KIAA0930: variants seen among roughly 807,000 people sequenced by gnomAD.
The protein encoded by KIAA0930 is KIAA0930.
A neutral mutation model predicts 43.9 loss-of-function variants in KIAA0930; 24 were observed. The observed-to-expected ratio is 0.55, with a 90% CI of 0.40 to 0.77. KIAA0930 has a LOEUF of 0.77. Among genes scored for constraint, KIAA0930 ranks in the 30% least tolerant of loss-of-function variants. KIAA0930 has a pLI of 0.00. For missense variants in KIAA0930, 461 were observed against 574.2 expected (o/e 0.80, Z 2.02); for synonymous variants, 259 against 216.4 (o/e 1.20, Z -1.73).
Position 45,197,093 on chromosome 22 carries a change from C to A in KIAA0930, c.*83G>T. 8.3e-7 allele frequency: 1 copy of A among 1,205,254 alleles called. No individual in the cohort carries two copies. Among genetic ancestry groups the A allele is most frequent in the Non-Finnish European group, 1.1e-6 (1 of 878,892 alleles). The allele number at this position is 1,205,254 out of a possible 1,614,324, so 74.7% of individuals were successfully genotyped here. A position where few individuals can be genotyped will look rare whatever the true frequency, so the allele number is the denominator to read the frequency against. The stretch of plus-strand genomic sequence containing the variant: ...CCAGCACTGGCGTGCCATCGCAGAC[C>A]CCGGTGGCGGTGGACAGGTAGGCAC... On this transcript the variant is annotated 3_prime_UTR_variant, in exon 10 of 10. Transcript: ENST00000336156.
rs532614257 is a variant in KIAA0930, at chr22:45,196,260, C to T, written c.*916G>A. The T allele has an allele frequency of 4.0e-3, 609 of 152,354 alleles. 3 individuals are homozygous for T. The highest frequency in any genetic ancestry group is 6.8e-3 in the Non-Finnish European group (460 of 68,058). 9.4% of individuals were successfully genotyped at this position (152,354 alleles called of 1,614,324 possible). On this transcript the variant is annotated 3_prime_UTR_variant, in exon 10 of 10. Transcript: ENST00000336156. This position sits in a 1 kb window ranked among gnomAD's most constrained non-coding sequence, Gnocchi z 4.1. ...TCTGAGAGATGGGACCAACACACGC[C>T]GTCAAAGGAAGTGAGTTCTAGGAAA...
At chr22:45,238,474 A>G (rs1483274857) in intron 1 of KIAA0930, among the ~76,000 whole-genome samples, 2 of 152,130 alleles carry the variant, frequency 1.3e-5, no homozygotes, top group African/African-American at 4.8e-5. Flanking sequence ...GTCCCAACAA[A>G]CATGTGCCTG....
chr22:45,220,700 T>C (rs1048942311), intron 1 of KIAA0930, among the ~76,000 whole-genome samples: 1 of 151,876 alleles, frequency 6.6e-6, no homozygotes, highest in Admixed American at 6.6e-5. Context: ...CCCACCTTAC[T>C]TTCCCAAGTA....
chr22:45,229,226 C>T lies in KIAA0930; in HGVS notation c.64+11414G>A, dbSNP rs200084575. ...TCCCCCCCACCACCAAACACTCACC[C>T]GAAAGATCCCTCTCCACCCCCCAAC... On this transcript the variant is annotated intron_variant, in intron 1 of 9. Transcript: ENST00000336156. Among the ~76,000 whole-genome samples the T allele has an allele frequency of 6.0e-4, 14 of 23,262 alleles. 3 individuals carry two copies. Among genetic ancestry groups the T allele is most frequent in the South Asian group, 3.8e-3 (2 of 520 alleles). 15.3% of individuals were successfully genotyped at this position (23,262 alleles called of 152,430 possible). A position where few individuals can be genotyped will look rare whatever the true frequency, so the allele number is the denominator to read the frequency against.
chr22:45,216,323 C>T (rs1029142491), intron 1 of KIAA0930, among the ~76,000 whole-genome samples: 1 of 152,146 alleles, frequency 6.6e-6, no homozygotes, highest in Non-Finnish European at 1.5e-5. Flanking sequence ...AACCTGCCAC[C>T]CTCCCAGAAT....
At chr22:45,216,889 G>C (rs189007972) in intron 1 of KIAA0930, among the ~76,000 whole-genome samples, 2 of 152,058 alleles carry the variant, frequency 1.3e-5, no homozygotes, top group Non-Finnish European at 2.9e-5. Context: ...CTTCCCTCCC[G>C]GGGTCCTATG....
chr22:45,214,504 T>C (rs1232624188), intron 1 of KIAA0930, among the ~76,000 whole-genome samples: 3 of 152,334 alleles, frequency 2.0e-5, no homozygotes, highest in East Asian at 3.9e-4. Flanking sequence ...ATTCACACGA[T>C]GTTTCGGAAA....
chr22:45,212,596 A>T (rs1284658455), intron 1 of KIAA0930: 8 of 1,367,280 alleles, frequency 5.9e-6, no homozygotes, highest in Non-Finnish European at 7.6e-6. Context: ...CCCTCCAGCC[A>T]GCCAAGGCTG....
intron 1 of KIAA0930, among the ~76,000 whole-genome samples, chr22:45,221,868 G>A (rs1477888321): frequency 6.6e-6 from 1 of 152,178 alleles, no homozygotes; most frequent in Non-Finnish European, 1.5e-5. Context: ...CTGAGTAGCT[G>A]GGACTACAGG....
chr22:45,218,192 T>C (rs964364838), intron 1 of KIAA0930, among the ~76,000 whole-genome samples: 1 of 152,048 alleles, frequency 6.6e-6, no homozygotes, highest in African/African-American at 2.4e-5. Context: ...AGTTTTGTTC[T>C]TGTCGCTCAG....
In KIAA0930 at chr22:45,227,612, C is replaced by A. The variant is rs73890252; in HGVS notation, c.64+13028G>T. Among the ~76,000 whole-genome samples, 405 of 152,296 alleles carry A rather than the reference C, an allele frequency of 2.7e-3. 2 individuals carry two copies. The highest frequency in any genetic ancestry group is 0.01 in the Middle Eastern group (3 of 294). ...CTGCCAACAGGGACAACACCCCTCA[C>A]GTCACCGGGCTGTCACTGGAATGAA... On this transcript the variant is annotated intron_variant, in intron 1 of 9. Transcript: ENST00000336156.
At chr22:45,229,995 C>G (rs1257974084) in intron 1 of KIAA0930, among the ~76,000 whole-genome samples, 1 of 152,214 alleles carries the variant, frequency 6.6e-6, no homozygotes, top group Non-Finnish European at 1.5e-5. Context: ...ACTCAGGAGG[C>G]TGAGGCAGGA....
chr22:45,231,621 C>G (rs137872704), intron 1 of KIAA0930, among the ~76,000 whole-genome samples: 1 of 152,138 alleles, frequency 6.6e-6, no homozygotes. Flanking sequence ...ATATATATGA[C>G]CTCCACAAAT....
chr22:45,203,988 G>A lies in KIAA0930; in HGVS notation c.517-3C>T. ...CCTACGGTCATGTCGCTGAACACCTGGGCCAGGACACAAAGAGACAGGGAC... is the reference window on the plus strand; with the variant it reads ...CCTACGGTCATGTCGCTGAACACCTAGGCCAGGACACAAAGAGACAGGGAC... On this transcript the variant is annotated splice_region_variant and splice_polypyrimidine_tract_variant and intron_variant, in intron 5 of 9. Coordinates refer to ENST00000336156, the MANE Select transcript of KIAA0930 (RefSeq NM_001009880.2). 6.2e-7 allele frequency: 1 copy of A among 1,613,932 alleles called. No homozygotes were observed. Among genetic ancestry groups the A allele is most frequent in the East Asian group, 2.2e-5 (1 of 44,874 alleles).
At chr22:45,221,494 C>G (rs2083767404) in intron 1 of KIAA0930, among the ~76,000 whole-genome samples, 1 of 152,222 alleles carries the variant, frequency 6.6e-6, no homozygotes, top group South Asian at 2.1e-4. Flanking sequence ...CGCAGATGCC[C>G]TACCAGAACT....
chr22:45,211,918 G>A, intron 2 of KIAA0930, 38 bp downstream of exon 2: 1 of 1,596,400 alleles, frequency 6.3e-7, no homozygotes. Flanking sequence ...GGGATGCTTG[G>A]GGCACAGACG....
At chr22:45,207,860 A>G (rs924246002) in intron 2 of KIAA0930, 1 of 169,282 alleles carries the variant, frequency 5.9e-6, no homozygotes, top group African/African-American at 2.4e-5. Context: ...CACCGCCTGT[A>G]TGGTTCTGCA....
chr22:45,216,767 A>G (rs2083735124), intron 1 of KIAA0930, among the ~76,000 whole-genome samples: 1 of 151,748 alleles, frequency 6.6e-6, no homozygotes. Flanking sequence ...GGTTTTCCCC[A>G]CCCTCAAGCA....
At position 45,197,701 on chromosome 22, in the gene KIAA0930, G is replaced by A. The variant is rs2083549806; in HGVS notation, c.1174+89C>T. Reference sequence around the variant, plus strand: ...ACCAACCGACAGGACAGGGCGGGATGACTCCGGGTGGCTCACAAGTACCAA... The same window carrying A: ...ACCAACCGACAGGACAGGGCGGGATAACTCCGGGTGGCTCACAAGTACCAA... On this transcript the variant is annotated intron_variant, in intron 9 of 9. Coordinates refer to ENST00000336156, the MANE Select transcript of KIAA0930 (RefSeq NM_001009880.2). The A allele has an allele frequency of 2.9e-6, 4 of 1,403,432 alleles. No homozygotes were observed. In the Middle Eastern group the frequency reaches 5.4e-4, roughly 188 times the overall value. The allele number at this position is 1,403,432 out of a possible 1,614,324, so 86.9% of individuals were successfully genotyped here.
Sources: gnomAD v4.1 joint callset for allele counts (sites outside exome capture counted in the v4.1 genomes callset) on GRCh38, gnomAD v4.1.1 for gene constraint, Gnocchi (gnomAD v3.1) non-coding constraint, MANE v1.5 for transcripts, NCBI Gene and HGNC (gene_info 2026-07-23, HGNC 2026-07-21) for gene names.